LINGO2: variants seen among roughly 807,000 people sequenced by gnomAD.
LINGO2 encodes the protein leucine rich repeat and Ig domain containing 2, also known as leucine-rich repeat and immunoglobulin-like domain-containing nogo receptor-interacting protein 2.
Under a neutral mutation model 30.6 loss-of-function variants are expected in LINGO2, and 14 were observed. That is an observed-to-expected ratio of 0.46 (90% CI 0.30 to 0.72). LINGO2 has a LOEUF of 0.72. Among genes scored for constraint, LINGO2 ranks in the 30% least tolerant of loss-of-function variants. The pLI is 0.07. For missense variants in LINGO2, 729 were observed against 751.7 expected (o/e 0.97, Z 0.35); for synonymous variants, 317 against 288.5 (o/e 1.10, Z -1.00).
intron 1 of LINGO2, among the ~76,000 whole-genome samples, chr9:28,600,604 G>A (rs1825419672): frequency 6.6e-6 from 1 of 152,094 alleles, no homozygotes; most frequent in African/African-American, 2.4e-5. Flanking sequence ...AGTGTTTCCT[G>A]AGGAATGAAA....
At chr9:28,560,732 T>C (rs1330429897) in intron 1 of LINGO2, among the ~76,000 whole-genome samples, 2 of 151,988 alleles carry the variant, frequency 1.3e-5, no homozygotes, top group South Asian at 2.1e-4. Context: ...ATTGGTGCAA[T>C]CTTGGCTCAC....
At chr9:28,812,014 C>A in the LINGO2 span, among the ~76,000 whole-genome samples, 1 of 151,832 alleles carries the variant, frequency 6.6e-6, no homozygotes, top group Non-Finnish European at 1.5e-5. Context: ...AATATAAAAT[C>A]AATTCTTTCT....
chr9:28,095,401 C>T (rs534986273), intron 4 of LINGO2, among the ~76,000 whole-genome samples: 90 of 152,130 alleles, frequency 5.9e-4, no homozygotes, highest in African/African-American at 1.9e-3. Context: ...TCAGAAATAA[C>T]GCCGCATATC....
chr9:28,866,581 GAGA>G, the LINGO2 span, among the ~76,000 whole-genome samples: 730 of 152,262 alleles, frequency 4.8e-3, 8 homozygotes, highest in African/African-American at 0.017. Flanking sequence ...ACCCAGGGCA[GAGA>G]AGAAGGGTGG....
intron 4 of LINGO2, among the ~76,000 whole-genome samples, chr9:28,056,000 G>GA (rs1178574414): frequency 6.6e-6 from 1 of 151,980 alleles, no homozygotes; most frequent in African/African-American, 2.4e-5. Flanking sequence ...ATTATGAGAC[G>GA]AAAAGAAAGA....
Position 28,438,320 on chromosome 9 carries a change from G to A in LINGO2, c.-279+37620C>T, listed in dbSNP as rs116914419. 5.8e-3 allele frequency among the ~76,000 whole-genome samples: 879 copies of A among 152,248 alleles called. 5 individuals carry two copies. The highest frequency in any genetic ancestry group is 0.013 in the South Asian group (61 of 4,820). On this transcript the variant is annotated intron_variant, in intron 2 of 5. Coordinates refer to ENST00000379992, the Ensembl canonical transcript of LINGO2. ...ATCAGCAGATCTAGTAAAAAGATCC[G>A]CTATCTAATTTGTTAAGGATCCAAA...
chr9:29,053,319 G>C, the LINGO2 span, among the ~76,000 whole-genome samples: 1 of 152,144 alleles, frequency 6.6e-6, no homozygotes, highest in Admixed American at 6.6e-5. Flanking sequence ...GATAGTTTCT[G>C]TTTGAACTCA....
At chr9:28,746,030 C>A in the LINGO2 span, among the ~76,000 whole-genome samples, 1 of 151,824 alleles carries the variant, frequency 6.6e-6, no homozygotes, top group African/African-American at 2.4e-5. Flanking sequence ...ACACAGAAAA[C>A]CATTTTTGAC....
the LINGO2 span, among the ~76,000 whole-genome samples, chr9:28,696,987 T>G: frequency 6.6e-6 from 1 of 151,930 alleles, no homozygotes; most frequent in Non-Finnish European, 1.5e-5. Flanking sequence ...TTGTTTTGTT[T>G]GTTTATCTAT....
At chr9:27,983,532 A>G (rs964567612) in intron 5 of LINGO2, among the ~76,000 whole-genome samples, 1 of 151,888 alleles carries the variant, frequency 6.6e-6, no homozygotes, top group Admixed American at 6.6e-5. Context: ...ATATAAAGAC[A>G]TGATGCTTTC....
intron 3 of LINGO2, among the ~76,000 whole-genome samples, chr9:28,358,018 G>C (rs1261848869): frequency 6.6e-6 from 1 of 151,992 alleles, no homozygotes; most frequent in East Asian, 1.9e-4. Context: ...TTAAAATCTA[G>C]ACTAATTTCA....
chr9:28,292,637 A>AT (rs1373348844), intron 4 of LINGO2, among the ~76,000 whole-genome samples: 1 of 150,642 alleles, frequency 6.6e-6, no homozygotes, highest in Non-Finnish European at 1.5e-5. Flanking sequence ...TAATTTTTGT[A>AT]TTTTTTAGTA....
At chr9:28,495,420 C>T (rs895173082) in intron 1 of LINGO2, among the ~76,000 whole-genome samples, 10 of 152,200 alleles carry the variant, frequency 6.6e-5, no homozygotes, top group Admixed American at 2.0e-4. Flanking sequence ...GATCCAGTTT[C>T]AGCTTTCTAC....
intron 1 of LINGO2, among the ~76,000 whole-genome samples, chr9:28,651,337 A>G (rs949438975): frequency 2.6e-5 from 4 of 152,186 alleles, no homozygotes; most frequent in Admixed American, 2.6e-4. Context: ...AGGGGAAGGC[A>G]GAGTTTAATA....
chr9:28,096,895 T>A (rs577261286), intron 4 of LINGO2, among the ~76,000 whole-genome samples: 5 of 152,288 alleles, frequency 3.3e-5, no homozygotes, highest in African/African-American at 1.2e-4. Flanking sequence ...CATGCTTAAC[T>A]TGTCATCATT....
At chr9:28,556,025 C>T (rs570700500) in intron 1 of LINGO2, among the ~76,000 whole-genome samples, 14 of 152,058 alleles carry the variant, frequency 9.2e-5, no homozygotes, top group Admixed American at 3.3e-4. Flanking sequence ...TATGACAAAC[C>T]GACAGCCAAT....
chr9:28,415,819 G>A (rs556474351), intron 2 of LINGO2, among the ~76,000 whole-genome samples: 5 of 152,204 alleles, frequency 3.3e-5, no homozygotes, highest in African/African-American at 1.2e-4. Context: ...ATTATATAGT[G>A]GCTGGCACAT....
Position 28,594,376 on chromosome 9 carries a change from G to A in LINGO2, c.-365+75824C>T, listed in dbSNP as rs117235336. Among the ~76,000 whole-genome samples, 642 of 152,092 alleles carry A rather than the reference G, an allele frequency of 4.2e-3. 3 individuals are homozygous for A. The highest frequency in any genetic ancestry group is 8.0e-3 in the African/African-American group (334 of 41,532). On this transcript the variant is annotated intron_variant, in intron 1 of 5. Transcript: ENST00000379992. ...GTTCATTGCCTTCAAAATTATCAAC[G>A]TGGTTCATTGCCTTCAAATCTTCAC... is the stretch of plus-strand genomic sequence containing the variant.
chr9:29,054,988 G>A, the LINGO2 span, among the ~76,000 whole-genome samples: 1 of 152,138 alleles, frequency 6.6e-6, no homozygotes, highest in Non-Finnish European at 1.5e-5. Flanking sequence ...GGAGGCCGAG[G>A]CAGGTGGATC....
Sources: gnomAD v4.1 joint callset for allele counts (sites outside exome capture counted in the v4.1 genomes callset) on GRCh38, gnomAD v4.1.1 for gene constraint, MANE v1.5 for transcripts, NCBI Gene and HGNC (gene_info 2026-07-23, HGNC 2026-07-21) for gene names.